The following NEURL4 variants were observed in gnomAD, a reference collection of about 807,000 sequenced individuals.
NEURL4 encodes the protein neuralized E3 ubiquitin protein ligase 4.
NEURL4 carries 45 observed loss-of-function variants against 148.0 expected under a neutral mutation model. The observed-to-expected ratio is 0.30, with a 90% CI of 0.24 to 0.39. NEURL4 has a LOEUF of 0.39. NEURL4 is among the 10% of genes least tolerant of loss of function. The probability of loss-of-function intolerance (pLI) is 1.00; values close to 1 mark genes in which losing one functional copy is unlikely to be tolerated. For synonymous variants in NEURL4, 854 were observed against 869.0 expected, an observed-to-expected ratio of 0.98 and a Z score of 0.30; for missense variants, 1,776 against 2,144.0, an observed-to-expected ratio of 0.83 and a Z score of 3.39.
Position 7,321,912 on chromosome 17 carries a change from C to T in NEURL4, c.2824G>A (p.Gly942Ser). ...AGCTCCTTGGTACTGAAGACAAGGC[C>T]ATGAGCATAGCCAGCGGCACGCACT... ...RAVRAAGYAH[G>S]LVFSTKELRA... The change falls in exon 17 of 29, where the codon GGC becomes AGC. Residue 942 changes from glycine to serine, a missense_variant. Physicochemically the swap from Gly to Ser is moderately conservative, Grantham distance 56. Coordinates refer to ENST00000399464, the MANE Select transcript of NEURL4 (RefSeq NM_032442.3). This position sits in a 1 kb window ranked among gnomAD's most constrained non-coding sequence, Gnocchi z 6.3. 1.2e-6 allele frequency: 2 copies of T among 1,614,050 alleles called. No homozygotes were observed.
rs1306845229 is a variant in NEURL4, at chr17:7,318,489, A to C, written c.3864+6T>G. 6.2e-7 allele frequency: 1 copy of C among 1,603,756 alleles called. No homozygotes were observed. The highest frequency in any genetic ancestry group is 1.3e-5 in the African/African-American group (1 of 74,738). On this transcript the variant is annotated splice_donor_region_variant and intron_variant, in intron 23 of 28. Transcript: ENST00000399464. The surrounding 1 kb of genome is among the most constrained non-coding windows in gnomAD (Gnocchi z 4.3). ...ACCCCTCCTCCCTGCCCCCACTGCC[A>C]CTAACCTGCTCACACTGCCCATAGA...
chr17:7,319,260 C>T, intron 21 of NEURL4, 52 bp from the exon 22 acceptor site: 1 of 1,514,164 alleles, frequency 6.6e-7, no homozygotes, highest in Non-Finnish European at 9.0e-7. Context: ...AAGAACCAGG[C>T]TCCGCACCCC....
Position 7,320,924 on chromosome 17 carries a change from C to G in NEURL4, c.3361-1G>C, listed in dbSNP as rs1406735187. ...GTATAATACCCACTTCATTCTGGCC[C>G]TGGTGTGGAGGAAGGGACTGAGCTG... is the stretch of plus-strand genomic sequence containing the variant. On this transcript the variant is annotated splice_acceptor_variant, in intron 20 of 28. Coordinates refer to ENST00000399464, the MANE Select transcript of NEURL4 (RefSeq NM_032442.3). LOFTEE classifies it high-confidence loss of function. 3 of 1,613,856 alleles carry G rather than the reference C, an allele frequency of 1.9e-6. No individual in the cohort carries two copies. The highest frequency in any genetic ancestry group is 1.3e-5 in the African/African-American group (1 of 74,920).
chr17:7,318,153 G>A lies in NEURL4; in HGVS notation c.3972C>T (p.Cys1324=), dbSNP rs1218756393. The change falls in exon 25 of 29, where the codon TGC becomes TGT. Residue 1324 remains cysteine, a synonymous_variant. Coordinates refer to ENST00000399464, the MANE Select transcript of NEURL4 (RefSeq NM_032442.3). This position sits in a 1 kb window ranked among gnomAD's most constrained non-coding sequence, Gnocchi z 4.3. ...GACTAGCGGCAGGTGGTGGACCCCA[G>A]CACACACTCTCTTTGATACCTGAGG... The part of the protein sequence containing the change: ...DMVDGIKESV[C]WGPPPAASPL... 4 of 1,614,154 alleles carry A rather than the reference G, an allele frequency of 2.5e-6. No homozygotes were observed. The highest frequency in any genetic ancestry group is 2.5e-6 in the Non-Finnish European group (3 of 1,179,990).
Position 7,315,952 on chromosome 17 carries a change from G to T in NEURL4, c.*171C>A, listed in dbSNP as rs1338662301. On this transcript the variant is annotated 3_prime_UTR_variant, in exon 29 of 29. Transcript: ENST00000399464. The stretch of plus-strand genomic sequence containing the variant: ...GGAGTGCTGGGCCTCCGGACATGGA[G>T]CTGTGCCACTTGCCACCTACATCTG... 5 of 610,340 alleles carry T rather than the reference G, an allele frequency of 8.2e-6. No individual in the cohort carries two copies. Among genetic ancestry groups the T allele is most frequent in the Non-Finnish European group, 1.2e-5 (4 of 339,414 alleles). The allele number at this position is 610,340 out of a possible 1,614,324, so 37.8% of individuals were successfully genotyped here.
Position 7,327,299 on chromosome 17 carries a change from A to ACC in NEURL4, c.728-71_728-70dup, listed in dbSNP as rs747721493. 360 of 1,486,940 alleles carry ACC rather than the reference A, an allele frequency of 2.4e-4. No homozygotes were observed. Among genetic ancestry groups the ACC allele is most frequent in the Non-Finnish European group, 3.1e-4 (346 of 1,108,760 alleles). 92.1% of individuals were successfully genotyped at this position (1,486,940 alleles called of 1,614,324 possible). A position where few individuals can be genotyped will look rare whatever the true frequency, so the allele number is the denominator to read the frequency against. On this transcript the variant is annotated intron_variant, in intron 2 of 28. Transcript: ENST00000399464. This position sits in a 1 kb window ranked among gnomAD's most constrained non-coding sequence, Gnocchi z 6.6. ...TGCTTCACGGCCCATAGCCAGGAGAACCCCCCATCCTCTAGCTCCTGCTCT... is the reference window on the plus strand; with the variant it reads ...TGCTTCACGGCCCATAGCCAGGAGAACCCCCCCCATCCTCTAGCTCCTGCTCT...
At position 7,327,560 on chromosome 17, in the gene NEURL4, T is replaced by A. The variant is rs763366790; in HGVS notation, c.607A>T (p.Thr203Ser). The A allele has an allele frequency of 6.2e-7, 1 of 1,610,838 alleles. No individual in the cohort carries two copies. Among genetic ancestry groups the A allele is most frequent in the East Asian group, 2.2e-5 (1 of 44,858 alleles). ...AAGCCTGGCTCAGGGGGTAGCACGG[T>A]GATCTGGGTGCACTTGCCATAAAGG... ...VDLYGKCTQI[T>S]VLPPEPGFSP... Residue 203 changes from threonine to serine, a missense_variant, in exon 2 of 29, where the codon ACC becomes TCC. Physicochemically the swap from Thr to Ser is moderately conservative, Grantham distance 58. Coordinates refer to ENST00000399464, the MANE Select transcript of NEURL4 (RefSeq NM_032442.3). The surrounding 1 kb of genome is among the most constrained non-coding windows in gnomAD (Gnocchi z 6.6).
Position 7,318,080 on chromosome 17 carries a change from G to A in NEURL4, c.4045C>T (p.Leu1349Phe). ...TGGGACTCACCGGGAAGCAGCAGGA[G>A]TTCTTGGAAGCGAGAGCAAAGGGCA... ...YHALCSRFQELLLLPEDYFMP... is the reference protein window; with the variant it reads ...YHALCSRFQEFLLLPEDYFMP... Residue 1349 changes from leucine to phenylalanine, a missense_variant, in exon 25 of 29, where the codon CTC (leucine) becomes TTC (phenylalanine). Coordinates refer to ENST00000399464, the MANE Select transcript of NEURL4 (RefSeq NM_032442.3). This position sits in a 1 kb window ranked among gnomAD's most constrained non-coding sequence, Gnocchi z 4.3. The A allele has an allele frequency of 6.2e-7, 1 of 1,614,150 alleles. No homozygotes were observed. The highest frequency in any genetic ancestry group is 2.2e-5 in the East Asian group (1 of 44,874).
Position 7,322,020 on chromosome 17 carries a change from G to C in NEURL4, c.2726-10C>G. On this transcript the variant is annotated splice_polypyrimidine_tract_variant and intron_variant, in intron 16 of 28. Transcript: ENST00000399464. This position sits in a 1 kb window ranked among gnomAD's most constrained non-coding sequence, Gnocchi z 5.5. ...TGAGCCACGCCAGCCACTGTGAAGA[G>C]ATGGCACCAGTAGAAGGGGTAGGAT... is the stretch of plus-strand genomic sequence containing the variant. The C allele has an allele frequency of 5.0e-6, 8 of 1,598,516 alleles. No homozygotes were observed. The highest frequency in any genetic ancestry group is 6.8e-6 in the Non-Finnish European group (8 of 1,173,462).
intron 1 of NEURL4, 129 bp downstream of exon 1, chr17:7,328,902 G>GCTTCA: frequency 2.4e-6 from 2 of 832,510 alleles, no homozygotes; most frequent in Non-Finnish European, 3.5e-6. Context: ...CCGCCCCCTG[G>GCTTCA]TGCTCTATGG....
rs374392632 is a variant in NEURL4, at chr17:7,325,647, C to G, written c.1360G>C (p.Asp454His). The change falls in exon 7 of 29, where the codon GAT becomes CAT. Residue 454 changes from aspartate (D) to histidine (H), a missense_variant. Transcript: ENST00000399464. ...CTCTCTGGGCGGCCCTTACCCTGAT[C>G]GATACCATTAATGAAGAAGTGTAGG... ...SALHFFINGIDQGVATPLTPP... is the reference protein window; with the variant it reads ...SALHFFINGIHQGVATPLTPP... 1.9e-6 allele frequency: 3 copies of G among 1,613,538 alleles called. No individual in the cohort carries two copies. The highest frequency in any genetic ancestry group is 1.7e-5 in the Admixed American group (1 of 59,992).
Position 7,315,831 on chromosome 17 carries a change from G to C in NEURL4, c.*292C>G. The C allele has an allele frequency of 3.7e-6, 2 of 539,832 alleles. No homozygotes were observed. Among genetic ancestry groups the C allele is most frequent in the Non-Finnish European group, 3.3e-6 (1 of 305,436 alleles). 33.4% of individuals were successfully genotyped at this position (539,832 alleles called of 1,614,324 possible). A position where few individuals can be genotyped will look rare whatever the true frequency, so the allele number is the denominator to read the frequency against. On this transcript the variant is annotated 3_prime_UTR_variant, in exon 29 of 29. Transcript: ENST00000399464. ...AACGGAAATAAATTAAGTGATGTGG[G>C]GTAGGGGAGTAAAAGGGAGTCATGT...
chr17:7,326,916 G>C lies in NEURL4; in HGVS notation c.887C>G (p.Pro296Arg). Residue 296 changes from proline (P) to arginine (R), a missense_variant, in exon 4 of 29, where the codon CCG becomes CGG. By Grantham distance (103) the Pro-to-Arg change is moderately radical (BLOSUM62 -2). Transcript: ENST00000399464. The surrounding 1 kb of genome is among the most constrained non-coding windows in gnomAD (Gnocchi z 6.0). ...GCTAGATCCCAGGCCTTCCCCTGCC[G>C]GTGGGGAGCTCAGGTTCACATTCAG... ...GLLNVNLSSP[P>R]AGEGLGSSGA... 6.2e-7 allele frequency: 1 copy of C among 1,613,940 alleles called. No homozygotes were observed. Among genetic ancestry groups the C allele is most frequent in the Non-Finnish European group, 8.5e-7 (1 of 1,179,994 alleles).
intron 21 of NEURL4, among the ~76,000 whole-genome samples, chr17:7,319,975 G>A (rs1172711227): frequency 3.6e-5 from 5 of 137,332 alleles, no homozygotes; most frequent in African/African-American, 8.1e-5. Context: ...GACTACAGGC[G>A]CCCGCCACCA....
At position 7,318,356 on chromosome 17, in the gene NEURL4, C is replaced by A; in HGVS notation, c.3865G>T (p.Val1289Leu). 6.2e-7 allele frequency: 1 copy of A among 1,614,076 alleles called. No homozygotes were observed. Among genetic ancestry groups the A allele is most frequent in the Non-Finnish European group, 8.5e-7 (1 of 1,179,974 alleles). The change falls in exon 24 of 29, where the codon GTG becomes TTG. Residue 1289 changes from valine to leucine, a missense_variant and splice_region_variant. Transcript: ENST00000399464. The surrounding 1 kb of genome is among the most constrained non-coding windows in gnomAD (Gnocchi z 4.3). ...LVDLYGQCEQVTIVNPEPGAA... is the reference protein window; with the variant it reads ...LVDLYGQCEQLTIVNPEPGAA... The stretch of plus-strand genomic sequence containing the variant: ...CCTGGCTCAGGGTTCACGATTGTCA[C>A]CTGCAGGGGAGAGGGTAGTCAGACA...
At position 7,324,301 on chromosome 17, in the gene NEURL4, TCAGG is replaced by T. The variant is rs1455710342; in HGVS notation, c.1900-35_1900-32del. The T allele has an allele frequency of 6.2e-7, 1 of 1,612,942 alleles. No homozygotes were observed. Among genetic ancestry groups the T allele is most frequent in the Non-Finnish European group, 8.5e-7 (1 of 1,179,278 alleles). ...AAGAAGGGGGTGCTGGAGTGAGGAG[TCAGG>T]CAGAGTTCCTGCCGGGGCTGGTCCT... On this transcript the variant is annotated intron_variant, in intron 10 of 28. Coordinates refer to ENST00000399464, the MANE Select transcript of NEURL4 (RefSeq NM_032442.3). This position sits in a 1 kb window ranked among gnomAD's most constrained non-coding sequence, Gnocchi z 5.9.
At position 7,324,303 on chromosome 17, in the gene NEURL4, A is replaced by C; in HGVS notation, c.1900-33T>G. The C allele has an allele frequency of 6.2e-7, 1 of 1,613,318 alleles. No homozygotes were observed. The highest frequency in any genetic ancestry group is 8.5e-7 in the Non-Finnish European group (1 of 1,179,442). On this transcript the variant is annotated intron_variant, in intron 10 of 28. Transcript: ENST00000399464. This position sits in a 1 kb window ranked among gnomAD's most constrained non-coding sequence, Gnocchi z 5.9. The stretch of plus-strand genomic sequence containing the variant: ...GAAGGGGGTGCTGGAGTGAGGAGTC[A>C]GGCAGAGTTCCTGCCGGGGCTGGTC...
Position 7,326,510 on chromosome 17 carries a change from G to A in NEURL4, c.1131C>T (p.Ser377=), listed in dbSNP as rs2073104966. 1 of 1,614,010 alleles carries A rather than the reference G, an allele frequency of 6.2e-7. No homozygotes were observed. The highest frequency in any genetic ancestry group is 1.3e-5 in the African/African-American group (1 of 74,900). ...TGTGGGTGGTGACCCCAATCTCAAT[G>A]GAGCCTGACCACTTATCAACAAGCT... The part of the protein sequence containing the change: ...IDKLVDKWSG[S]IEIGVTTHNP... The change falls in exon 5 of 29, where the codon TCC becomes TCT. Residue 377 remains serine (S), a synonymous_variant. Coordinates refer to ENST00000399464, the MANE Select transcript of NEURL4 (RefSeq NM_032442.3). This position sits in a 1 kb window ranked among gnomAD's most constrained non-coding sequence, Gnocchi z 6.0.
chr17:7,325,144 T>TGGGGGGGGGGGGGGGGGCG, intron 8 of NEURL4, 65 bp downstream of exon 8: 5 of 956,486 alleles, frequency 5.2e-6, no homozygotes, highest in Non-Finnish European at 6.2e-6. Flanking sequence ...TCCACTTCCT[T>TGGGGGGGGGGGGGGGGGCG]GCCCCGCCCC....
Sources: allele counts gnomAD v4.1 joint callset (sites outside exome capture counted in the v4.1 genomes callset), GRCh38; gene constraint gnomAD v4.1.1; non-coding constraint Gnocchi (gnomAD v3.1); transcripts MANE v1.5; gene names NCBI Gene and HGNC (gene_info 2026-07-23, HGNC 2026-07-21).